NELL2: variants seen among roughly 807,000 people sequenced by gnomAD.
The protein encoded by NELL2 is neural EGFL like 2, also known as protein kinase C-binding protein NELL2.
NELL2 carries 41 observed loss-of-function variants against 109.6 expected under a neutral mutation model. The ratio of observed to expected loss-of-function variants is 0.37; its 90% confidence interval spans 0.29 to 0.49. The LOEUF (loss-of-function observed/expected upper bound fraction) is 0.49, where lower values mean the gene tolerates loss of function less well. NELL2 is among the 20% of genes least tolerant of loss of function. NELL2 has a pLI of 0.98. For missense variants in NELL2, 900 were observed against 1,008.3 expected (o/e 0.89, Z 1.45); for synonymous variants, 355 against 344.7 (o/e 1.03, Z -0.33).
intron 19 of NELL2, among the ~76,000 whole-genome samples, chr12:44,513,461 A>G (rs879904120): frequency 2.0e-5 from 3 of 151,972 alleles, no homozygotes; most frequent in Admixed American, 2.0e-4. Flanking sequence ...CTCGAAGATG[A>G]TCCAGATGTT....
intron 1 of NELL2, among the ~76,000 whole-genome samples, chr12:44,883,934 A>G (rs1945443064): frequency 6.6e-6 from 1 of 151,910 alleles, no homozygotes; most frequent in Non-Finnish European, 1.5e-5. Flanking sequence ...GAAAGAACAA[A>G]GGGAAACAAT....
At chr12:44,632,416 C>T (rs1339839169) in intron 13 of NELL2, among the ~76,000 whole-genome samples, 3 of 151,948 alleles carry the variant, frequency 2.0e-5, no homozygotes, top group Non-Finnish European at 4.4e-5. Flanking sequence ...AACAAGCAGA[C>T]CTGGGCACCA....
At chr12:44,797,717 G>A (rs1189450301) in intron 3 of NELL2, among the ~76,000 whole-genome samples, 2 of 150,866 alleles carry the variant, frequency 1.3e-5, no homozygotes, top group Non-Finnish European at 3.0e-5. Flanking sequence ...CTCCTTGAAG[G>A]TCTGAAAAAC....
intron 13 of NELL2, among the ~76,000 whole-genome samples, chr12:44,621,544 C>T (rs1231095410): frequency 6.6e-6 from 1 of 152,014 alleles, no homozygotes; most frequent in African/African-American, 2.4e-5. Flanking sequence ...ATTTCGGCAG[C>T]AAAAATATGA....
At chr12:44,549,462 A>G (rs997976274) in intron 15 of NELL2, among the ~76,000 whole-genome samples, 1 of 152,220 alleles carries the variant, frequency 6.6e-6, no homozygotes, top group African/African-American at 2.4e-5. Flanking sequence ...TTGGGCAGTT[A>G]CATGAAAAAT....
intron 2 of NELL2, among the ~76,000 whole-genome samples, chr12:44,867,871 G>A (rs895669375): frequency 1.3e-5 from 2 of 152,070 alleles, no homozygotes; most frequent in Non-Finnish European, 1.5e-5. Flanking sequence ...TGTAATCCCA[G>A]CACTTTGTGA....
intron 13 of NELL2, among the ~76,000 whole-genome samples, chr12:44,635,183 C>A (rs996482916): frequency 1.3e-5 from 2 of 152,016 alleles, no homozygotes; most frequent in Admixed American, 6.6e-5. Context: ...TGGATACTAG[C>A]CCTTTGTCAG....
In NELL2 at chr12:44,759,367, C is replaced by A. The variant is rs146778432; in HGVS notation, c.994+15380G>T. Among the ~76,000 whole-genome samples, 214 of 152,254 alleles carry A rather than the reference C, an allele frequency of 1.4e-3. 1 individual carries two copies. Among genetic ancestry groups the A allele is most frequent in the African/African-American group, 4.7e-3 (197 of 41,536 alleles). ...GAAGTAACAATGTCTGAATTCCTGC[C>A]TAGGAGTAAAGAGGCTTTGCAAGTT... is the stretch of plus-strand genomic sequence containing the variant. On this transcript the variant is annotated intron_variant, in intron 9 of 19. Transcript: ENST00000429094.
rs142889159 is a variant in NELL2 at position 44,752,661 on chromosome 12, T to C, written c.994+22086A>G. ...CATTTAGTTTCCTTGCTACATTCCC[T>C]AAATACATAATATATTCCCTAAATA... On this transcript the variant is annotated intron_variant, in intron 9 of 19. Transcript: ENST00000429094. 9.8e-4 allele frequency among the ~76,000 whole-genome samples: 150 copies of C among 152,296 alleles called. 3 individuals are homozygous for C. The East Asian group carries it at 0.025, about 25-fold the overall frequency.
chr12:44,546,429 T>C (rs1170493345), intron 15 of NELL2, among the ~76,000 whole-genome samples: 1 of 152,130 alleles, frequency 6.6e-6, no homozygotes, highest in Admixed American at 6.6e-5. Flanking sequence ...TTTAGCTTGA[T>C]ACAAGTTTTT....
At chr12:44,659,681 A>G (rs969798698) in intron 13 of NELL2, among the ~76,000 whole-genome samples, 15 of 152,204 alleles carry the variant, frequency 9.9e-5, no homozygotes, top group African/African-American at 2.9e-4. Context: ...TTGACCACAA[A>G]AAGATAATAA....
intron 9 of NELL2, among the ~76,000 whole-genome samples, chr12:44,723,818 T>G (rs978179905): frequency 6.6e-6 from 1 of 152,164 alleles, no homozygotes. Flanking sequence ...TTAGCCACTA[T>G]GGAAAGCCGT....
intron 12 of NELL2, among the ~76,000 whole-genome samples, chr12:44,684,122 C>G (rs1698454216): frequency 6.6e-6 from 1 of 152,198 alleles, no homozygotes; most frequent in South Asian, 2.1e-4. Context: ...TTCAGAGATT[C>G]AACTTCTTCC....
chr12:44,587,869 C>T (rs369787920), intron 15 of NELL2, among the ~76,000 whole-genome samples: 4 of 151,996 alleles, frequency 2.6e-5, no homozygotes, highest in East Asian at 3.9e-4. Flanking sequence ...AAGTTGGTTT[C>T]GGTTGGGCGC....
chr12:44,856,852 A>G (rs990824273), intron 2 of NELL2, among the ~76,000 whole-genome samples: 1 of 152,180 alleles, frequency 6.6e-6, no homozygotes, highest in African/African-American at 2.4e-5. Context: ...ATTACATTTT[A>G]AAAGGATCAC....
chr12:44,811,337 TAA>T (rs10683929), intron 3 of NELL2, among the ~76,000 whole-genome samples: 3 of 103,208 alleles, frequency 2.9e-5, no homozygotes, highest in African/African-American at 4.0e-5. Flanking sequence ...GAACTAAAAG[TAA>T]AAAAAAAAAA....
intron 7 of NELL2, among the ~76,000 whole-genome samples, chr12:44,776,545 C>T (rs1205900269): frequency 6.6e-6 from 1 of 152,176 alleles, no homozygotes; most frequent in African/African-American, 2.4e-5. Context: ...CACCATACAA[C>T]ACAACCATCA....
At chr12:44,622,336 A>G (rs2136273313) in intron 13 of NELL2, among the ~76,000 whole-genome samples, 1 of 152,238 alleles carries the variant, frequency 6.6e-6, no homozygotes, top group Middle Eastern at 3.4e-3. Flanking sequence ...TAAATTTGGC[A>G]AGAGGCATGA....
chr12:44,604,412 T>C (rs1390099297), intron 15 of NELL2, among the ~76,000 whole-genome samples: 1 of 152,164 alleles, frequency 6.6e-6, no homozygotes, highest in Non-Finnish European at 1.5e-5. Context: ...TGCCATATGA[T>C]AGTACAGAAC....
Sources: gnomAD v4.1 joint callset for allele counts (sites outside exome capture counted in the v4.1 genomes callset) on GRCh38, gnomAD v4.1.1 for gene constraint, MANE v1.5 for transcripts, NCBI Gene and HGNC (gene_info 2026-07-23, HGNC 2026-07-21) for gene names.